SUMF1: variants seen among roughly 807,000 people sequenced by gnomAD.
The protein encoded by SUMF1 is formylglycine-generating enzyme.
SUMF1 carries 48 observed loss-of-function variants against 47.6 expected under a neutral mutation model. The observed-to-expected ratio is 1.01, with a 90% CI of 0.80 to 1.28. The LOEUF (loss-of-function observed/expected upper bound fraction) is 1.28, where lower values mean the gene tolerates loss of function less well. Among genes scored for constraint, SUMF1 ranks in the 50% most tolerant of loss-of-function variants. The pLI is 0.00. For synonymous variants in SUMF1, 230 were observed against 192.1 expected (o/e 1.20, Z -1.63); for missense variants, 571 against 485.4 (o/e 1.18, Z -1.66).
intron 8 of SUMF1, among the ~76,000 whole-genome samples, chr3:4,325,303 A>G (rs1213747101): frequency 6.6e-6 from 1 of 152,118 alleles, no homozygotes; most frequent in African/African-American, 2.4e-5. Context: ...TAGTATCCAC[A>G]TGGCTAGGAA....
intron 8 of SUMF1, among the ~76,000 whole-genome samples, chr3:4,106,691 A>T (rs1693165995): frequency 6.6e-6 from 1 of 151,982 alleles, no homozygotes; most frequent in Non-Finnish European, 1.5e-5. Context: ...TCAGGAACTG[A>T]CTCTACTTGA....
rs774490190 is a variant in SUMF1 at position 4,169,521 on chromosome 3, C to A, written c.1015-100776G>T. ...AGAATCCCAGAGAGGAAAAAAGGAT[C>A]CACTAGAGCCTTTAGAAGAAGCATG... On this transcript the variant is annotated intron_variant and NMD_transcript_variant, in intron 8 of 12. Coordinates refer to the SUMF1 transcript ENST00000448413. Among the ~76,000 whole-genome samples the A allele has an allele frequency of 3.9e-5, 6 of 152,122 alleles. 1 individual carries two copies. Among genetic ancestry groups the A allele is most frequent in the Non-Finnish European group, 8.8e-5 (6 of 68,010 alleles).
intron 8 of SUMF1, among the ~76,000 whole-genome samples, chr3:4,169,125 G>A (rs1267053978): frequency 6.6e-6 from 1 of 152,120 alleles, no homozygotes; most frequent in Non-Finnish European, 1.5e-5. Flanking sequence ...GGTAAATATT[G>A]CATTGTATAA....
Position 4,247,522 on chromosome 3 carries a change from A to G in SUMF1, c.1014+128808T>C, listed in dbSNP as rs181937468. 5.8e-3 allele frequency among the ~76,000 whole-genome samples: 876 copies of G among 152,320 alleles called. 7 individuals carry two copies. Among genetic ancestry groups the G allele is most frequent in the African/African-American group, 0.019 (797 of 41,560 alleles). On this transcript the variant is annotated intron_variant and NMD_transcript_variant, in intron 8 of 12. Coordinates refer to the SUMF1 transcript ENST00000448413. ...AGGAAATCTGATTATAACCTACTAC[A>G]GTAGATTAGTACTACAAAGAAGGGA... is the stretch of plus-strand genomic sequence containing the variant.
At chr3:4,430,301 G>C (rs192035947) in intron 3 of SUMF1, among the ~76,000 whole-genome samples, 1 of 152,268 alleles carries the variant, frequency 6.6e-6, no homozygotes, top group Non-Finnish European at 1.5e-5. Flanking sequence ...ATCTTATCAA[G>C]TGTATGGTAA....
intron 8 of SUMF1, among the ~76,000 whole-genome samples, chr3:4,328,978 C>T (rs1234308773): frequency 6.6e-6 from 1 of 151,982 alleles, no homozygotes; most frequent in Non-Finnish European, 1.5e-5. Flanking sequence ...GTCTGAAATC[C>T]AGCAGGGCAG....
intron 8 of SUMF1, among the ~76,000 whole-genome samples, chr3:4,370,397 T>C (rs1309348169): frequency 6.6e-6 from 1 of 152,236 alleles, no homozygotes; most frequent in Non-Finnish European, 1.5e-5. Flanking sequence ...ATTTGCTACA[T>C]AAATGGGAAA....
chr3:4,131,549 G>C (rs1015594191), intron 8 of SUMF1, among the ~76,000 whole-genome samples: 6 of 152,138 alleles, frequency 3.9e-5, no homozygotes, highest in African/African-American at 1.4e-4. Context: ...CAGTGCACCT[G>C]GTTGTGCACT....
At chr3:4,103,795 GCCAAGAAC>G (rs1363311209) in intron 8 of SUMF1, among the ~76,000 whole-genome samples, 1 of 152,052 alleles carries the variant, frequency 6.6e-6, no homozygotes, top group Non-Finnish European at 1.5e-5. Context: ...CTGAACAGAG[GCCAAGAAC>G]CTTGCTCCAT....
intron 3 of SUMF1, among the ~76,000 whole-genome samples, chr3:4,440,792 T>C (rs1220289905): frequency 6.6e-6 from 1 of 152,234 alleles, no homozygotes; most frequent in Non-Finnish European, 1.5e-5. Flanking sequence ...CCTTAAACTG[T>C]TGATCCAGAA....
At chr3:4,145,807 G>T (rs1320120350) in intron 8 of SUMF1, among the ~76,000 whole-genome samples, 1 of 152,062 alleles carries the variant, frequency 6.6e-6, no homozygotes, top group Non-Finnish European at 1.5e-5. Flanking sequence ...AATCAGCAGG[G>T]GATAAGTATT....
In SUMF1 at chr3:4,165,573, A is replaced by G. The variant is rs1366698435; in HGVS notation, c.1015-96828T>C. ...TTGTGGATTATCTTTCAATGAAAAG[A>G]AGGGTTGGACATAAGGTATTTCACT... On this transcript the variant is annotated intron_variant and NMD_transcript_variant, in intron 8 of 12. Coordinates refer to the SUMF1 transcript ENST00000448413. 2.6e-5 allele frequency among the ~76,000 whole-genome samples: 4 copies of G among 152,068 alleles called. No homozygotes were observed. In the East Asian group the frequency reaches 7.7e-4, roughly 29 times the overall value.
chr3:4,388,173 C>G (rs556976915), intron 7 of SUMF1, among the ~76,000 whole-genome samples: 9 of 152,126 alleles, frequency 5.9e-5, no homozygotes, highest in Non-Finnish European at 1.0e-4. Context: ...GTGGTAAGGT[C>G]CCCAACTAAA....
chr3:4,132,472 A>G (rs1433190170), intron 8 of SUMF1, among the ~76,000 whole-genome samples: 3 of 152,128 alleles, frequency 2.0e-5, no homozygotes, highest in African/African-American at 7.2e-5. Flanking sequence ...CTGAATCACC[A>G]TCCAATATAT....
intron 8 of SUMF1, among the ~76,000 whole-genome samples, chr3:4,220,139 C>T (rs752124855): frequency 6.6e-6 from 1 of 152,094 alleles, no homozygotes; most frequent in Non-Finnish European, 1.5e-5. Flanking sequence ...AAAAATTTCA[C>T]TTCACCCAGG....
intron 3 of SUMF1, among the ~76,000 whole-genome samples, chr3:4,435,216 C>G (rs1056361610): frequency 6.6e-6 from 1 of 152,076 alleles, no homozygotes; most frequent in Admixed American, 6.5e-5. Context: ...CTTGAGCCAC[C>G]GGGCCCAGAC....
intron 9 of SUMF1, among the ~76,000 whole-genome samples, chr3:4,066,155 C>A (rs1559439320): frequency 6.6e-6 from 1 of 151,768 alleles, no homozygotes; most frequent in Non-Finnish European, 1.5e-5. Context: ...CCTCCCCCAG[C>A]AACACTCCCC....
At chr3:4,432,579 A>C (rs1207342546) in intron 3 of SUMF1, among the ~76,000 whole-genome samples, 1 of 152,048 alleles carries the variant, frequency 6.6e-6, no homozygotes, top group Non-Finnish European at 1.5e-5. Flanking sequence ...AGCCTTGCTC[A>C]TTGTTTAGAT....
At chr3:4,114,301 C>A (rs17039930) in intron 8 of SUMF1, among the ~76,000 whole-genome samples, 3 of 151,912 alleles carry the variant, frequency 2.0e-5, no homozygotes, top group Admixed American at 6.6e-5. Flanking sequence ...CTATCACACC[C>A]CTATGTCATC....
Sources: gnomAD v4.1 joint callset for allele counts (sites outside exome capture counted in the v4.1 genomes callset) on GRCh38, gnomAD v4.1.1 for gene constraint, MANE v1.5 for transcripts, NCBI Gene and HGNC (gene_info 2026-07-23, HGNC 2026-07-21) for gene names.